Variants in KAT2B observed in about 807,000 individuals in gnomAD.
KAT2B encodes lysine acetyltransferase 2B, also known as histone acetyltransferase KAT2B.
In KAT2B, 36 loss-of-function variants were observed where a neutral mutation model predicts 105.9. The ratio of observed to expected loss-of-function variants is 0.34; its 90% CI spans 0.26 to 0.45. KAT2B has a LOEUF of 0.45. Among genes scored for constraint, KAT2B ranks in the 20% least tolerant of loss-of-function variants. The probability of loss-of-function intolerance (pLI) is 1.00; values close to 1 mark genes in which losing one functional copy is unlikely to be tolerated. For synonymous variants in KAT2B, 397 were observed against 377.9 expected, an observed-to-expected ratio of 1.05 and a Z score of -0.59; for missense variants, 820 against 1,021.6, an observed-to-expected ratio of 0.80 and a Z score of 2.69.
At chr3:20,142,960 G>T (rs1007903800) in intron 13 of KAT2B, among the ~76,000 whole-genome samples, 5 of 145,890 alleles carry the variant, frequency 3.4e-5, no homozygotes, top group Non-Finnish European at 6.2e-5. Flanking sequence ...TGGGTGGGGG[G>T]ATAAGTTCTT....
chr3:20,076,344 C>G (rs887718530), intron 2 of KAT2B, among the ~76,000 whole-genome samples: 2 of 152,032 alleles, frequency 1.3e-5, no homozygotes, highest in Non-Finnish European at 2.9e-5. Context: ...TCCCCCTACT[C>G]CTTCCTTTCT....
Position 20,148,573 on chromosome 3 carries a change from C to T in KAT2B, c.2305+86C>T, listed in dbSNP as rs890313282. On this transcript the variant is annotated intron_variant, in intron 17 of 17. Transcript: ENST00000263754. Reference sequence around the variant, plus strand: ...AAATGGTTGCTGAGGTTGATTTGTACTCCTCTGCTTAGGGTAGGAAGTGTA... The same window carrying T: ...AAATGGTTGCTGAGGTTGATTTGTATTCCTCTGCTTAGGGTAGGAAGTGTA... 7 of 962,382 alleles carry T rather than the reference C, an allele frequency of 7.3e-6. No homozygotes were observed. In the African/African-American group the frequency reaches 8.2e-5, roughly 11 times the overall value. The allele number at this position is 962,382 out of a possible 1,614,324, so 59.6% of individuals were successfully genotyped here.
Position 20,119,727 on chromosome 3 carries a change from A to C in KAT2B, c.1276+4A>C. ...TCTGGACTTGAGGCAAACCCAGGTA[A>C]GCTCTTAAGAGGGGATAAGAGAGGG... is the stretch of plus-strand genomic sequence containing the variant. On this transcript the variant is annotated splice_donor_region_variant and intron_variant, in intron 8 of 17. Transcript: ENST00000263754. 6.2e-7 allele frequency: 1 copy of C among 1,613,952 alleles called. No individual in the cohort carries two copies. The highest frequency in any genetic ancestry group is 8.5e-7 in the Non-Finnish European group (1 of 1,179,898).
chr3:20,105,234 C>T (rs960297998), intron 5 of KAT2B, among the ~76,000 whole-genome samples: 1 of 152,052 alleles, frequency 6.6e-6, no homozygotes, highest in Non-Finnish European at 1.5e-5. Flanking sequence ...TATATACTCC[C>T]AGGAGCAATT....
In KAT2B at chr3:20,080,501, C is replaced by T. The variant is rs559656841; in HGVS notation, c.430+8042C>T. ...AACTATAATTATATACCAATCTGTA[C>T]TGAACTGTGATTAAGAGTTGACTTT... is the stretch of plus-strand genomic sequence containing the variant. On this transcript the variant is annotated intron_variant, in intron 2 of 17. Transcript: ENST00000263754. 1.1e-4 allele frequency among the ~76,000 whole-genome samples: 17 copies of T among 152,266 alleles called. No individual in the cohort carries two copies. The East Asian group carries it at 1.7e-3, about 16-fold the overall frequency.
chr3:20,126,954 A>G (rs1263024051), intron 10 of KAT2B, among the ~76,000 whole-genome samples: 2 of 152,158 alleles, frequency 1.3e-5, no homozygotes, highest in Admixed American at 6.5e-5. Flanking sequence ...GTGATGCTTT[A>G]GACAGAGGGA....
In KAT2B at chr3:20,044,997, T is replaced by C. The variant is rs150300470; in HGVS notation, c.303+4217T>C. 4.6e-5 allele frequency among the ~76,000 whole-genome samples: 7 copies of C among 152,200 alleles called. No individual in the cohort carries two copies. The East Asian group carries it at 1.4e-3, about 29-fold the overall frequency. ...GACAGTTCTAGGTGTCCCACAGATA[T>C]TGATAGGATTGGGTTATTTATTTAT... On this transcript the variant is annotated intron_variant, in intron 1 of 17. Coordinates refer to ENST00000263754, the MANE Select transcript of KAT2B (RefSeq NM_003884.5).
At chr3:20,041,235 G>T (rs182624854) in intron 1 of KAT2B, among the ~76,000 whole-genome samples, 2 of 152,054 alleles carry the variant, frequency 1.3e-5, no homozygotes, top group Non-Finnish European at 2.9e-5. Context: ...TGCAAGGAGT[G>T]GGGGTGGAGA....
chr3:20,099,310 TC>T (rs1698866846), intron 3 of KAT2B, among the ~76,000 whole-genome samples: 1 of 152,194 alleles, frequency 6.6e-6, no homozygotes, highest in Admixed American at 6.5e-5. Context: ...CAGACTTTCT[TC>T]CTAAAGAGCC....
chr3:20,085,465 A>G (rs1303082029), intron 2 of KAT2B, among the ~76,000 whole-genome samples: 1 of 151,564 alleles, frequency 6.6e-6, no homozygotes, highest in Non-Finnish European at 1.5e-5. Flanking sequence ...TTAAACATTA[A>G]TTTTTGTGTT....
rs1699674710 is a variant in KAT2B at position 20,140,315 on chromosome 3, C to A, written c.1955C>A (p.Pro652Gln). 6.2e-7 allele frequency: 1 copy of A among 1,613,766 alleles called. No individual in the cohort carries two copies. The highest frequency in any genetic ancestry group is 8.5e-7 in the Non-Finnish European group (1 of 1,179,782). ...ACTTTAATGGGATGTGAGCTAAATC[C>A]ACGGATCCCGTACACAGAATTTTCT... ...GATLMGCELN[P>Q]RIPYTEFSVI... The change falls in exon 13 of 18, where the codon CCA (proline) becomes CAA (glutamine). Residue 652 changes from proline to glutamine, a missense_variant. Around this residue, in one of 6 missense-constraint regions of KAT2B, gnomAD observed 227 missense variants for 292.9 expected, o/e 0.77. Coordinates refer to ENST00000263754, the MANE Select transcript of KAT2B (RefSeq NM_003884.5).
chr3:20,071,844 G>A (rs990933861), intron 1 of KAT2B, among the ~76,000 whole-genome samples: 2 of 152,184 alleles, frequency 1.3e-5, no homozygotes, highest in Admixed American at 6.5e-5. Flanking sequence ...GGTGTGCCCC[G>A]TCTCATCTTC....
intron 1 of KAT2B, among the ~76,000 whole-genome samples, chr3:20,050,927 A>G (rs1559510420): frequency 6.6e-6 from 1 of 152,008 alleles, no homozygotes; most frequent in Non-Finnish European, 1.5e-5. Flanking sequence ...GTGGCCGGGT[A>G]TGGTGGCTCA....
chr3:20,091,916 C>T (rs973693427), intron 2 of KAT2B, among the ~76,000 whole-genome samples: 5 of 152,126 alleles, frequency 3.3e-5, no homozygotes, highest in African/African-American at 1.2e-4. Flanking sequence ...ACTTTCCTAC[C>T]AGTGTGGTTG....
chr3:20,040,822 G>T, intron 1 of KAT2B, 42 bp downstream of exon 1: 5 of 1,529,798 alleles, frequency 3.3e-6, no homozygotes, highest in Non-Finnish European at 2.6e-6. Flanking sequence ...GGTGCTAGGG[G>T]CCCAGCCCGC....
At chr3:20,086,720 G>T (rs1452857419) in intron 2 of KAT2B, among the ~76,000 whole-genome samples, 1 of 152,100 alleles carries the variant, frequency 6.6e-6, no homozygotes, top group African/African-American at 2.4e-5. Flanking sequence ...AAGGTGGGTG[G>T]CCTCTACCTC....
intron 7 of KAT2B, among the ~76,000 whole-genome samples, chr3:20,119,383 T>C (rs1042120540): frequency 8.5e-5 from 13 of 152,174 alleles, no homozygotes; most frequent in African/African-American, 2.4e-4. Flanking sequence ...TATTCATTTA[T>C]TATTTTATCA....
chr3:20,103,656 A>G (rs1698948577), intron 5 of KAT2B, among the ~76,000 whole-genome samples: 1 of 151,906 alleles, frequency 6.6e-6, no homozygotes, highest in South Asian at 2.1e-4. Flanking sequence ...CAATCCTCCC[A>G]CCTTGGCCTC....
At chr3:20,125,679 A>T (rs1699389296) in intron 9 of KAT2B, among the ~76,000 whole-genome samples, 1 of 152,132 alleles carries the variant, frequency 6.6e-6, no homozygotes, top group African/African-American at 2.4e-5. Context: ...TACACATATA[A>T]TACTCCAATT....
Sources: allele counts gnomAD v4.1 joint callset (sites outside exome capture counted in the v4.1 genomes callset), GRCh38; gene constraint gnomAD v4.1.1; regional missense constraint gnomAD v4.1.1; transcripts MANE v1.5; gene names NCBI Gene and HGNC (gene_info 2026-07-23, HGNC 2026-07-21).